Variants in CWC27 observed in about 807,000 individuals in gnomAD.
CWC27 encodes spliceosome-associated protein CWC27 homolog.
Under a neutral mutation model 63.6 loss-of-function variants are expected in CWC27, and 47 were observed. The ratio of observed to expected loss-of-function variants is 0.74; its 90% confidence interval spans 0.58 to 0.94. The LOEUF is 0.94. Among genes scored for constraint, CWC27 ranks in the 40% least tolerant of loss-of-function variants. The pLI is 0.00. For missense variants in CWC27, 495 were observed against 554.3 expected, an observed-to-expected ratio of 0.89 and a Z score of 1.07; for synonymous variants, 175 against 179.8, an observed-to-expected ratio of 0.97 and a Z score of 0.22.
Position 64,971,758 on chromosome 5 carries a change from G to A in CWC27, c.1098G>A (p.Lys366=), listed in dbSNP as rs143676351. ...AVAEYRREKQ[K]YEALRKQQSK... ...CCGAATACAGAAGAGAAAAGCAAAA[G>A]TATGAAGCTTTGAGGAAGCAACAGT... The change falls in exon 12 of 14, where the codon AAG becomes AAA. Residue 366 remains lysine (K), a synonymous_variant. Transcript: ENST00000381070. The A allele has an allele frequency of 1.0e-4, 161 of 1,612,316 alleles. 3 individuals carry two copies. In the African/African-American group the frequency reaches 1.9e-3, roughly 19 times the overall value.
intron 10 of CWC27, chr5:64,844,980 C>G (rs1187710653): frequency 2.2e-6 from 1 of 456,714 alleles, no homozygotes; most frequent in African/African-American, 2.0e-5. Flanking sequence ...CTGCAGATCT[C>G]AAATAGCAGA....
rs142684427 is a variant in CWC27 at position 64,945,156 on chromosome 5, A to T, written c.1043-26547A>T. On this transcript the variant is annotated intron_variant, in intron 11 of 13. Coordinates refer to ENST00000381070, the MANE Select transcript of CWC27 (RefSeq NM_005869.4). ...CCTTACCTCTCAGGTATTTTCCCAA[A>T]TGTCACCTTCTCAATGAGACTTTCT... Among the ~76,000 whole-genome samples, 756 of 152,142 alleles carry T rather than the reference A, an allele frequency of 5.0e-3. 4 individuals are homozygous for T. Among genetic ancestry groups the T allele is most frequent in the African/African-American group, 0.018 (729 of 41,508 alleles).
At chr5:65,003,927 C>A (rs1387014866) in intron 13 of CWC27, among the ~76,000 whole-genome samples, 1 of 151,948 alleles carries the variant, frequency 6.6e-6, no homozygotes, top group East Asian at 1.9e-4. Context: ...TCACTGCAAC[C>A]ACTGCCTCCC....
chr5:64,778,025 A>T (rs2112151961), intron 2 of CWC27, among the ~76,000 whole-genome samples: 1 of 152,332 alleles, frequency 6.6e-6, no homozygotes, highest in Middle Eastern at 3.4e-3. Context: ...ATCTTAAAAT[A>T]AAAAGCCAGC....
chr5:64,960,533 T>C (rs890320960), intron 11 of CWC27, among the ~76,000 whole-genome samples: 1 of 152,020 alleles, frequency 6.6e-6, no homozygotes, highest in Non-Finnish European at 1.5e-5. Flanking sequence ...TAAGATCTGG[T>C]ATATTAAAAA....
At chr5:65,005,303 C>T (rs186553225) in intron 13 of CWC27, among the ~76,000 whole-genome samples, 4 of 152,186 alleles carry the variant, frequency 2.6e-5, no homozygotes, top group African/African-American at 7.2e-5. Context: ...CCAGATGGTA[C>T]TTGCAGGCAC....
intron 11 of CWC27, among the ~76,000 whole-genome samples, chr5:64,960,372 T>C (rs2112432948): frequency 6.6e-6 from 1 of 152,280 alleles, no homozygotes; most frequent in South Asian, 2.1e-4. Flanking sequence ...AAAATGAAGT[T>C]CATAACATAT....
At chr5:64,788,410 TTGTTTGATGA>T (rs1407023892) in intron 6 of CWC27, among the ~76,000 whole-genome samples, 2 of 152,076 alleles carry the variant, frequency 1.3e-5, no homozygotes, top group African/African-American at 4.8e-5. Context: ...GAGATTACTT[TTGTTTGATGA>T]ATCAGAGGAG....
chr5:64,900,513 T>C (rs1747476992), intron 11 of CWC27, among the ~76,000 whole-genome samples: 1 of 152,200 alleles, frequency 6.6e-6, no homozygotes, highest in Non-Finnish European at 1.5e-5. Context: ...TGGCTTATAT[T>C]TTTTGTCCTC....
chr5:64,995,551 T>G (rs1749615847), intron 13 of CWC27, among the ~76,000 whole-genome samples: 1 of 152,182 alleles, frequency 6.6e-6, no homozygotes, highest in Non-Finnish European at 1.5e-5. Flanking sequence ...CTTTATTATA[T>G]TAGGTCATTG....
intron 10 of CWC27, among the ~76,000 whole-genome samples, chr5:64,874,348 G>A (rs1044573223): frequency 3.3e-5 from 5 of 151,652 alleles, no homozygotes; most frequent in Non-Finnish European, 7.4e-5. Flanking sequence ...TTTTAGTAGA[G>A]ATGGGGCTTC....
intron 11 of CWC27, among the ~76,000 whole-genome samples, chr5:64,889,011 C>T (rs1747155796): frequency 6.6e-6 from 1 of 152,040 alleles, no homozygotes; most frequent in East Asian, 1.9e-4. Flanking sequence ...CTGTGGTAAT[C>T]TTCCCAAAAA....
At chr5:64,962,037 G>C (rs1384600956) in intron 11 of CWC27, among the ~76,000 whole-genome samples, 2 of 152,106 alleles carry the variant, frequency 1.3e-5, no homozygotes, top group African/African-American at 2.4e-5. Flanking sequence ...AGTAAAAGTA[G>C]AGCACTCTGT....
intron 11 of CWC27, among the ~76,000 whole-genome samples, chr5:64,959,682 A>G (rs1263671798): frequency 6.6e-6 from 1 of 152,220 alleles, no homozygotes; most frequent in Non-Finnish European, 1.5e-5. Flanking sequence ...CTATTGAAAA[A>G]GTATTTGTAT....
At chr5:64,921,907 C>T (rs542351776) in intron 11 of CWC27, among the ~76,000 whole-genome samples, 5 of 152,270 alleles carry the variant, frequency 3.3e-5, no homozygotes, top group South Asian at 4.1e-4. Context: ...ATTTCTCCTT[C>T]GCTTATGAAG....
At chr5:64,772,624 C>CAAAAA (rs58675990) in intron 1 of CWC27, among the ~76,000 whole-genome samples, 2 of 52,176 alleles carry the variant, frequency 3.8e-5, no homozygotes, top group African/African-American at 7.0e-5. Context: ...GACTCTGTCT[C>CAAAAA]AAAAAAAAAA....
At chr5:64,919,680 C>T (rs984772891) in intron 11 of CWC27, among the ~76,000 whole-genome samples, 4 of 152,196 alleles carry the variant, frequency 2.6e-5, no homozygotes, top group African/African-American at 9.6e-5. Flanking sequence ...CTGCAAAGGA[C>T]ATGATCTCAT....
At chr5:64,858,065 G>A (rs1746297577) in intron 10 of CWC27, among the ~76,000 whole-genome samples, 2 of 142,718 alleles carry the variant, frequency 1.4e-5, no homozygotes, top group Admixed American at 1.4e-4. Flanking sequence ...GTGAACCCGG[G>A]AGGCGGAGCT....
At chr5:64,815,900 A>G (rs962765850) in intron 10 of CWC27, among the ~76,000 whole-genome samples, 2 of 152,188 alleles carry the variant, frequency 1.3e-5, no homozygotes, top group Non-Finnish European at 2.9e-5. Context: ...CTTTGGTTAT[A>G]AGGAATAGAA....
Sources: allele counts gnomAD v4.1 joint callset (sites outside exome capture counted in the v4.1 genomes callset), GRCh38; gene constraint gnomAD v4.1.1; transcripts MANE v1.5; gene names NCBI Gene and HGNC (gene_info 2026-07-23, HGNC 2026-07-21).